Variants in CNTN4 observed in about 807,000 individuals in gnomAD.
The protein encoded by CNTN4 is contactin-4.
CNTN4 carries 77 observed loss-of-function variants against 122.5 expected under a neutral mutation model. The ratio of observed to expected loss-of-function variants is 0.63; its 90% confidence interval spans 0.52 to 0.76. The LOEUF (loss-of-function observed/expected upper bound fraction) is 0.76, where lower values mean the gene tolerates loss of function less well. Among genes scored for constraint, CNTN4 ranks in the 30% least tolerant of loss-of-function variants. The pLI is 0.00. For missense variants in CNTN4, 1,256 were observed against 1,259.1 expected (o/e 1.00, Z 0.04); for synonymous variants, 512 against 447.0 (o/e 1.15, Z -1.83).
chr3:2,667,346 A>C (rs980315271), intron 4 of CNTN4, among the ~76,000 whole-genome samples: 2 of 151,968 alleles, frequency 1.3e-5, no homozygotes, highest in Non-Finnish European at 2.9e-5. Context: ...GGCCAGTGAT[A>C]ATGAGCATTT....
At chr3:2,575,452 A>G (rs4640543) in intron 4 of CNTN4, among the ~76,000 whole-genome samples, 10,127 of 151,714 alleles carry the variant, frequency 0.067, 797 homozygotes, top group African/African-American at 0.19. Flanking sequence ...CAGAGGTTGC[A>G]GTGAGCCGAG....
intron 4 of CNTN4, among the ~76,000 whole-genome samples, chr3:2,707,578 A>C (rs2086817547): frequency 6.6e-6 from 1 of 152,188 alleles, no homozygotes; most frequent in Non-Finnish European, 1.5e-5. Flanking sequence ...GGCAGGGAAG[A>C]GAAGTTAGCA....
intron 3 of CNTN4, among the ~76,000 whole-genome samples, chr3:2,353,888 G>A (rs1315109517): frequency 6.6e-6 from 1 of 151,916 alleles, no homozygotes; most frequent in African/African-American, 2.4e-5. Context: ...GACAGAGCGA[G>A]ACTCCGTCTC....
intron 3 of CNTN4, among the ~76,000 whole-genome samples, chr3:2,545,982 C>G (rs1415217837): frequency 6.6e-6 from 1 of 151,970 alleles, no homozygotes; most frequent in African/African-American, 2.4e-5. Context: ...TCTCACACCA[C>G]TCAAAATAGC....
chr3:2,120,405 A>ATTTTT (rs57112843), intron 2 of CNTN4, among the ~76,000 whole-genome samples: 48 of 40,844 alleles, frequency 1.2e-3, no homozygotes, highest in East Asian at 3.6e-3. Context: ...ATATATATAT[A>ATTTTT]TTTTTTTTTT....
intron 13 of CNTN4, among the ~76,000 whole-genome samples, chr3:2,947,989 T>C (rs2094697240): frequency 6.7e-6 from 1 of 150,338 alleles, no homozygotes; most frequent in African/African-American, 2.4e-5. Flanking sequence ...AATTTAATTG[T>C]AGGGAAAAAA....
chr3:2,803,883 A>T (rs1277005079), intron 6 of CNTN4, among the ~76,000 whole-genome samples: 2 of 152,024 alleles, frequency 1.3e-5, no homozygotes, highest in Non-Finnish European at 2.9e-5. Flanking sequence ...AAGAACCGTT[A>T]CCACACAATT....
intron 3 of CNTN4, among the ~76,000 whole-genome samples, chr3:2,521,228 AAT>A (rs2077200629): frequency 6.6e-6 from 1 of 152,070 alleles, no homozygotes; most frequent in Non-Finnish European, 1.5e-5. Flanking sequence ...ATAGCTGAGT[AAT>A]TGAGGCAAAC....
At chr3:2,645,951 A>T (rs1019352144) in intron 4 of CNTN4, among the ~76,000 whole-genome samples, 19 of 152,222 alleles carry the variant, frequency 1.2e-4, no homozygotes, top group Admixed American at 6.5e-5. Context: ...TATCACTTCA[A>T]CTATTGTTGT....
chr3:2,809,470 C>T (rs948204079), intron 6 of CNTN4, among the ~76,000 whole-genome samples: 4 of 152,114 alleles, frequency 2.6e-5, no homozygotes, highest in African/African-American at 4.8e-5. Flanking sequence ...AAGCTGGGGA[C>T]GTAGGCAGGG....
intron 13 of CNTN4, among the ~76,000 whole-genome samples, chr3:2,948,468 C>A (rs1362548966): frequency 2.0e-5 from 3 of 152,100 alleles, no homozygotes; most frequent in Non-Finnish European, 4.4e-5. Flanking sequence ...GGAGAGTGAA[C>A]AAGTATTTAT....
intron 12 of CNTN4, among the ~76,000 whole-genome samples, chr3:2,920,650 T>G (rs1229043806): frequency 6.6e-6 from 1 of 152,160 alleles, no homozygotes; most frequent in Non-Finnish European, 1.5e-5. Flanking sequence ...TCCGTGATAA[T>G]GGTGACTGGG....
chr3:2,871,074 A>G (rs2093778827), intron 8 of CNTN4, among the ~76,000 whole-genome samples: 1 of 152,150 alleles, frequency 6.6e-6, no homozygotes, highest in Non-Finnish European at 1.5e-5. Context: ...ATGTGGGGCC[A>G]GGAGGTAAGG....
chr3:2,302,878 G>A (rs1666382), intron 2 of CNTN4, among the ~76,000 whole-genome samples: 49,648 of 152,110 alleles, frequency 0.33, 9,066 homozygotes, highest in East Asian at 0.52. Context: ...ATTAATACTT[G>A]TGAATAAATA....
chr3:2,202,256 G>A (rs1162985887), intron 2 of CNTN4, among the ~76,000 whole-genome samples: 7 of 152,132 alleles, frequency 4.6e-5, no homozygotes, highest in Non-Finnish European at 8.8e-5. Flanking sequence ...TATTTTCAAG[G>A]TTCCCTATCT....
intron 2 of CNTN4, among the ~76,000 whole-genome samples, chr3:2,174,359 G>A (rs1575002410): frequency 1.3e-5 from 2 of 152,154 alleles, no homozygotes; most frequent in African/African-American, 4.8e-5. Flanking sequence ...AACATAGACT[G>A]GGTGGCTTAT....
intron 3 of CNTN4, among the ~76,000 whole-genome samples, chr3:2,512,335 A>G (rs1236820404): frequency 1.3e-5 from 2 of 152,122 alleles, no homozygotes; most frequent in Admixed American, 6.6e-5. Flanking sequence ...TGAATGCACC[A>G]CTTCTTAAGA....
chr3:2,677,205 A>G (rs937442639), intron 4 of CNTN4, among the ~76,000 whole-genome samples: 1 of 150,140 alleles, frequency 6.7e-6, no homozygotes, highest in African/African-American at 2.4e-5. Context: ...CTCTCTCTAT[A>G]TATGTATATA....
At chr3:2,324,572 C>A (rs1216207767) in intron 2 of CNTN4, among the ~76,000 whole-genome samples, 1 of 152,090 alleles carries the variant, frequency 6.6e-6, no homozygotes, top group African/African-American at 2.4e-5. Context: ...AATTCCCCTG[C>A]TAGCTTCTGT....
Sources: allele counts gnomAD v4.1 joint callset (sites outside exome capture counted in the v4.1 genomes callset), GRCh38; gene constraint gnomAD v4.1.1; transcripts MANE v1.5; gene names NCBI Gene and HGNC (gene_info 2026-07-23, HGNC 2026-07-21).